ZNF142: variants seen among roughly 807,000 people sequenced by gnomAD.
The protein encoded by ZNF142 is zinc finger protein 142, also known as zinc finger protein 142 (clone pHZ-49).
A neutral mutation model predicts 132.1 loss-of-function variants in ZNF142; 96 were observed. The observed-to-expected ratio is 0.73, with a 90% confidence interval of 0.62 to 0.86. The LOEUF (loss-of-function observed/expected upper bound fraction) is 0.86. Ranked by LOEUF, ZNF142 falls within the 40% of genes least tolerant of loss-of-function variation. The pLI, the probability that ZNF142 is intolerant of heterozygous loss-of-function variation, is 0.00. For synonymous variants in ZNF142, 842 were observed against 890.1 expected, an observed-to-expected ratio of 0.95 and a Z score of 0.96; for missense variants, 2,163 against 2,336.2, an observed-to-expected ratio of 0.93 and a Z score of 1.53.
intron 9 of ZNF142, among the ~76,000 whole-genome samples, chr2:218,641,451 A>G (rs573397852): frequency 2.1e-4 from 32 of 149,218 alleles, no homozygotes; most frequent in Non-Finnish European, 3.6e-4. Context: ...TCACAGTGTT[A>G]GCCAGGATGG....
intron 10 of ZNF142, 32 bp downstream of exon 10, chr2:218,640,632 C>G: frequency 6.2e-7 from 1 of 1,600,304 alleles, no homozygotes; most frequent in Non-Finnish European, 8.6e-7. Flanking sequence ...ACAAAGGAAC[C>G]CTTCAGGCCT....
rs200461087 is a variant in ZNF142 at position 218,643,025 on chromosome 2, G to A, written c.4091C>T (p.Ala1364Val). The A allele has an allele frequency of 1.2e-6, 2 of 1,601,970 alleles. No individual in the cohort carries two copies. The highest frequency in any genetic ancestry group is 1.7e-6 in the Non-Finnish European group (2 of 1,173,632). The change falls in exon 9 of 11, where the codon GCC becomes GTC. Residue 1364 changes from alanine (A) to valine (V), a missense_variant. Ala to Val is a moderately conservative substitution (Grantham distance 64). Transcript: ENST00000411696. Reference protein sequence around the residue: ...QKRRHPTAAPARGPRPHLQCG... With the variant: ...QKRRHPTAAPVRGPRPHLQCG... ...CTGTAGATGGGGCCGGGGCCCACGGGCTGGGGCTGCAGTGGGGTGCCTCCG... is the reference window on the plus strand; with the variant it reads ...CTGTAGATGGGGCCGGGGCCCACGGACTGGGGCTGCAGTGGGGTGCCTCCG...
At position 218,659,499 on chromosome 2, in the gene ZNF142, T is replaced by C. The variant is rs1939063380; in HGVS notation, c.-492A>G. On this transcript the variant is annotated 5_prime_UTR_variant, in exon 1 of 11. Coordinates refer to ENST00000411696, the MANE Select transcript of ZNF142 (RefSeq NM_001379659.1). This position sits in a 1 kb window ranked among gnomAD's most constrained non-coding sequence, Gnocchi z 4.4. ...GATATTGGGGATGTGGAAGCCACTC[T>C]CTCTTCCTCTTGCCGGCTGCCGGGG... The C allele has an allele frequency of 6.6e-6, 1 of 152,044 alleles. No homozygotes were observed. The highest frequency in any genetic ancestry group is 2.1e-4 in the South Asian group (1 of 4,800). 9.4% of individuals were successfully genotyped at this position (152,044 alleles called of 1,614,324 possible). A position where few individuals can be genotyped will look rare whatever the true frequency, so the allele number is the denominator to read the frequency against.
intron 4 of ZNF142, among the ~76,000 whole-genome samples, chr2:218,652,864 G>A (rs1938139177): frequency 6.6e-6 from 1 of 152,112 alleles, no homozygotes; most frequent in Admixed American, 6.6e-5. Context: ...ACAAGGTCCT[G>A]AGATTCTACG....
rs200865785 is a variant in ZNF142 at position 218,644,300 on chromosome 2, A to G, written c.2816T>C (p.Leu939Pro). Residue 939 changes from leucine to proline, a missense_variant, in exon 9 of 11, where the codon CTA becomes CCA. By Grantham distance (98) the Leu-to-Pro change is moderately conservative. Around this residue, in one of 7 missense-constraint regions of ZNF142, gnomAD observed 749 missense variants for 830.3 expected, o/e 0.90. Coordinates refer to ENST00000411696, the MANE Select transcript of ZNF142 (RefSeq NM_001379659.1). This position sits in a 1 kb window ranked among gnomAD's most constrained non-coding sequence, Gnocchi z 4.6. ...AGTCCCAATACCTTCAAAGCTAGAT[A>G]GCTCTGGTCCTTCCAGTCCATCTGG... ...EGPDGLEGPE[L>P]SSFEGIGTSD... is the part of the protein sequence containing the mutation. 6.2e-7 allele frequency: 1 copy of G among 1,614,088 alleles called. No individual in the cohort carries two copies. Among genetic ancestry groups the G allele is most frequent in the Admixed American group, 1.7e-5 (1 of 60,018 alleles).
chr2:218,638,465 G>C lies in ZNF142; in HGVS notation c.5538C>G (p.Asp1846Glu), dbSNP rs754322118. ...VVKHVRRHHP[D>E]QADPNQGVGK... ...CCACACCCTGGTTTGGGTCGGCTTG[G>C]TCAGGGTGGTGCCTGCGTACGTGCT... Residue 1846 changes from aspartate (D) to glutamate (E), a missense_variant, in exon 11 of 11, where the codon GAC (aspartate) becomes GAG (glutamate). Transcript: ENST00000411696. 1.3e-5 allele frequency: 20 copies of C among 1,591,920 alleles called. No homozygotes were observed. The highest frequency in any genetic ancestry group is 1.7e-5 in the Non-Finnish European group (20 of 1,165,482).
chr2:218,657,772 G>C (rs900679344), intron 3 of ZNF142, among the ~76,000 whole-genome samples: 5 of 152,074 alleles, frequency 3.3e-5, no homozygotes, highest in African/African-American at 1.2e-4. Flanking sequence ...GGCGTCCTAA[G>C]GGCACTCTGT....
rs1428555658 is a variant in ZNF142, at chr2:218,642,128, T to C, written c.4988A>G (p.Asn1663Ser). The C allele has an allele frequency of 6.2e-7, 1 of 1,614,054 alleles. No homozygotes were observed. The highest frequency in any genetic ancestry group is 1.3e-5 in the African/African-American group (1 of 74,922). ...GCTGTGCCAGGTGATCTTCTGTCGG[T>C]TCTTGGTGCTGTAAGCACAATCGGT... The part of the protein sequence containing the change: ...KCTDCAYSTK[N>S]RQKITWHSRI... Residue 1663 changes from asparagine (N) to serine (S), a missense_variant, in exon 9 of 11, where the codon AAC (asparagine) becomes AGC (serine). Asn to Ser is a conservative substitution (Grantham distance 46, BLOSUM62 1). Transcript: ENST00000411696. This position sits in a 1 kb window ranked among gnomAD's most constrained non-coding sequence, Gnocchi z 4.6.
chr2:218,654,466 A>G (rs1938303488), intron 4 of ZNF142, among the ~76,000 whole-genome samples: 1 of 151,138 alleles, frequency 6.6e-6, no homozygotes, highest in Non-Finnish European at 1.5e-5. Flanking sequence ...TCTCGGGTTC[A>G]AGCAATTCTC....
chr2:218,636,969 A>G lies in ZNF142; in HGVS notation c.*1370T>C. On this transcript the variant is annotated 3_prime_UTR_variant, in exon 11 of 11. Coordinates refer to ENST00000411696, the MANE Select transcript of ZNF142 (RefSeq NM_001379659.1). ...TTGGAATAGAGAAACCTAAAGAAGC[A>G]TCATCCCCTCCATCCCCAACTTCCT... The G allele has an allele frequency of 2.2e-6, 1 of 455,480 alleles. No individual in the cohort carries two copies. The highest frequency in any genetic ancestry group is 4.4e-6 in the Non-Finnish European group (1 of 226,794). 28.2% of individuals were successfully genotyped at this position (455,480 alleles called of 1,614,324 possible). A position where few individuals can be genotyped will look rare whatever the true frequency, so the allele number is the denominator to read the frequency against.
At position 218,635,155 on chromosome 2, in the gene ZNF142, C is replaced by T. The variant is rs2106170296; in HGVS notation, c.*3184G>A. On this transcript the variant is annotated 3_prime_UTR_variant, in exon 11 of 11. Transcript: ENST00000411696. ...GGCACATGACTATAGATAGTCCTGG[C>T]TACTCAGGAGGCTAAGGCTGGAGGG... Among the ~76,000 whole-genome samples, 1 of 152,038 alleles carries T rather than the reference C, an allele frequency of 6.6e-6. No individual in the cohort carries two copies. The highest frequency in any genetic ancestry group is 1.9e-4 in the East Asian group (1 of 5,172).
In ZNF142 at chr2:218,651,688, C is replaced by G. The variant is rs1353241090; in HGVS notation, c.880+13G>C. 4 of 1,272,852 alleles carry G rather than the reference C, an allele frequency of 3.1e-6. No individual in the cohort carries two copies. In the Admixed American group the frequency reaches 9.5e-5, roughly 30 times the overall value. The allele number at this position is 1,272,852 out of a possible 1,614,324, so 78.8% of individuals were successfully genotyped here. On this transcript the variant is annotated intron_variant, in intron 5 of 10. Coordinates refer to ENST00000411696, the MANE Select transcript of ZNF142 (RefSeq NM_001379659.1). ...ACTCCAGGAGAGGAACTGCTTGGCC[C>G]TTGGCCTCATACCTGGCAGCAGCTC...
rs544673294 is a variant in ZNF142 at position 218,652,036 on chromosome 2, T to C, written c.545A>G (p.His182Arg). The change falls in exon 5 of 11, where the codon CAC becomes CGC. Residue 182 changes from histidine to arginine, a missense_variant. By Grantham distance (29) the His-to-Arg change is conservative. Transcript: ENST00000411696. The stretch of plus-strand genomic sequence containing the variant: ...AGGAGTGCCCCGGTGAATCTTGAAG[T>C]GGCTCTTCAGGGCCTGGGGTTGGGC... The part of the protein sequence containing the change: ...EFAQPQALKS[H>R]FKIHRGTPDT... 6.7e-5 allele frequency: 34 copies of C among 510,816 alleles called. No individual in the cohort carries two copies. The highest frequency in any genetic ancestry group is 4.9e-4 in the South Asian group (32 of 65,604). The allele number at this position is 510,816 out of a possible 1,614,324, so 31.6% of individuals were successfully genotyped here.
chr2:218,656,256 G>T lies in ZNF142; in HGVS notation c.174C>A (p.Cys58Ter), dbSNP rs778196863. The change falls in exon 4 of 11, where the codon TGC (cysteine) becomes TGA (stop). Residue 58 changes from cysteine (C) to a stop codon, truncating the protein, a stop_gained. Coordinates refer to ENST00000411696, the MANE Select transcript of ZNF142 (RefSeq NM_001379659.1). LOFTEE classifies it high-confidence loss of function. ...CAGTTGCTGTGGCCTCTACCAGCAG[G>T]CAGCCTGGCTCAGTAGGTATAGGTG... ...DPAPIPTEPG[C>*]LLVEATATEE... The T allele has an allele frequency of 1.9e-6, 3 of 1,613,476 alleles. No individual in the cohort carries two copies. Among genetic ancestry groups the T allele is most frequent in the Non-Finnish European group, 2.5e-6 (3 of 1,179,738 alleles).
Position 218,633,713 on chromosome 2 carries a change from A to T in ZNF142, c.*4626T>A. The T allele has an allele frequency of 1.2e-6, 2 of 1,613,936 alleles. No homozygotes were observed. The highest frequency in any genetic ancestry group is 1.7e-6 in the Non-Finnish European group (2 of 1,179,876). The stretch of plus-strand genomic sequence containing the variant: ...AAAGGAGCACTACCACTTCTACGAG[A>T]TATCATCTTTCTCTGAAACCAAGGC... On this transcript the variant is annotated 3_prime_UTR_variant, in exon 11 of 11. Transcript: ENST00000411696.
chr2:218,635,775 A>G lies in ZNF142; in HGVS notation c.*2564T>C. Reference sequence around the variant, plus strand: ...GCTGGGCTGAGCAGGAACTTGTGAGATTCCAGAGCCCTGACTACAGGTGAT... The same window carrying G: ...GCTGGGCTGAGCAGGAACTTGTGAGGTTCCAGAGCCCTGACTACAGGTGAT... On this transcript the variant is annotated 3_prime_UTR_variant, in exon 11 of 11. Coordinates refer to ENST00000411696, the MANE Select transcript of ZNF142 (RefSeq NM_001379659.1). 6.2e-7 allele frequency: 1 copy of G among 1,607,358 alleles called. No individual in the cohort carries two copies. The highest frequency in any genetic ancestry group is 1.7e-4 in the Middle Eastern group (1 of 5,932).
chr2:218,645,007 G>T lies in ZNF142; in HGVS notation c.2109C>A (p.His703Gln), dbSNP rs925707545. Residue 703 changes from histidine to glutamine, a missense_variant, in exon 9 of 11, where the codon CAC becomes CAA. By Grantham distance (24) the His-to-Gln change is conservative. Coordinates refer to ENST00000411696, the MANE Select transcript of ZNF142 (RefSeq NM_001379659.1). The stretch of plus-strand genomic sequence containing the variant: ...GAGACTTGCCCTGATGCCGCAGCTT[G>T]TGGCTGCTCAGCTGATCAGCCCGGT... The part of the protein sequence containing the change: ...RCHRADQLSS[H>Q]KLRHQGKSLM... The T allele has an allele frequency of 6.2e-7, 1 of 1,613,874 alleles. No individual in the cohort carries two copies. The highest frequency in any genetic ancestry group is 8.5e-7 in the Non-Finnish European group (1 of 1,179,944).
At chr2:218,652,908 C>T (rs1193563586) in intron 4 of ZNF142, among the ~76,000 whole-genome samples, 1 of 151,984 alleles carries the variant, frequency 6.6e-6, no homozygotes, top group African/African-American at 2.4e-5. Flanking sequence ...AGTGGTAGAG[C>T]CATGACTCAA....
In ZNF142 at chr2:218,656,424, T is replaced by C. The variant is rs1027462292; in HGVS notation, c.6A>G (p.Thr2=). The C allele has an allele frequency of 7.0e-7, 1 of 1,420,920 alleles. No homozygotes were observed. The highest frequency in any genetic ancestry group is 1.9e-4 in the Middle Eastern group (1 of 5,272). 88.0% of individuals were successfully genotyped at this position (1,420,920 alleles called of 1,614,324 possible). A position where few individuals can be genotyped will look rare whatever the true frequency, so the allele number is the denominator to read the frequency against. M[T]DPLLDSQPAS... Reference sequence around the variant, plus strand: ...CTGGCTGTGAGTCCAAAAGGGGGTCTGTCATCACCACCGACTTGTGTGTTT... The same window carrying C: ...CTGGCTGTGAGTCCAAAAGGGGGTCCGTCATCACCACCGACTTGTGTGTTT... The change falls in exon 4 of 11, where the codon ACA becomes ACG. Residue 2 remains threonine (T), a synonymous_variant. Coordinates refer to ENST00000411696, the MANE Select transcript of ZNF142 (RefSeq NM_001379659.1).
Sources: allele counts gnomAD v4.1 joint callset (sites outside exome capture counted in the v4.1 genomes callset), GRCh38; gene constraint gnomAD v4.1.1; regional missense constraint gnomAD v4.1.1; non-coding constraint Gnocchi (gnomAD v3.1); transcripts MANE v1.5; gene names NCBI Gene and HGNC (gene_info 2026-07-23, HGNC 2026-07-21).